IQSEC1: variants seen among roughly 807,000 people sequenced by gnomAD.
IQSEC1 encodes the protein IQ motif and Sec7 domain ArfGEF 1.
In IQSEC1, 31 loss-of-function variants were observed where a neutral mutation model predicts 91.0. That is an observed-to-expected ratio of 0.34 (90% CI 0.26 to 0.46). IQSEC1 has a LOEUF of 0.46. Ranked by LOEUF, IQSEC1 falls within the 20% of genes least tolerant of loss-of-function variation. The probability of loss-of-function intolerance (pLI) is 1.00; values close to 1 mark genes in which losing one functional copy is unlikely to be tolerated. For missense variants in IQSEC1, 1,388 were observed against 1,575.6 expected, an observed-to-expected ratio of 0.88 and a Z score of 2.02; for synonymous variants, 699 against 662.6, an observed-to-expected ratio of 1.05 and a Z score of -0.84.
intron 2 of IQSEC1, among the ~76,000 whole-genome samples, chr3:13,140,858 C>T (rs187152074): frequency 4.6e-5 from 7 of 152,318 alleles, no homozygotes; most frequent in African/African-American, 1.4e-4. Context: ...TCTACTGGAC[C>T]TCTGCCTTTG....
chr3:13,127,434 C>A (rs148008079), intron 2 of IQSEC1, among the ~76,000 whole-genome samples: 42 of 97,146 alleles, frequency 4.3e-4, no homozygotes, highest in African/African-American at 2.6e-3. Flanking sequence ...AACAAAAAAA[C>A]AAACAAACAA....
At chr3:13,024,116 C>T (rs1703513156) in intron 1 of IQSEC1, among the ~76,000 whole-genome samples, 1 of 152,198 alleles carries the variant, frequency 6.6e-6, no homozygotes, top group Non-Finnish European at 1.5e-5. Flanking sequence ...GTTTATCTGG[C>T]CTGTCCTCCT....
chr3:12,925,854 C>T (rs1697077319), intron 3 of IQSEC1, among the ~76,000 whole-genome samples: 1 of 152,224 alleles, frequency 6.6e-6, no homozygotes, highest in Admixed American at 6.5e-5. Context: ...ATGGCACTGA[C>T]CTTGCTGCTC....
intron 2 of IQSEC1, among the ~76,000 whole-genome samples, chr3:13,099,104 C>G (rs1706014650): frequency 6.6e-6 from 1 of 152,174 alleles, no homozygotes; most frequent in Non-Finnish European, 1.5e-5. Flanking sequence ...CTGGGCTGAG[C>G]TACAGGTCCA....
At chr3:13,191,080 C>G (rs1400611435) in intron 1 of IQSEC1, among the ~76,000 whole-genome samples, 3 of 152,220 alleles carry the variant, frequency 2.0e-5, no homozygotes, top group South Asian at 4.1e-4. Flanking sequence ...CTAATTCTAT[C>G]TTCAGGCCAC....
rs763767037 is a variant in IQSEC1 at position 12,955,275 on chromosome 3, CTG to C, written c.24-13412_24-13411del. On this transcript the variant is annotated intron_variant, in intron 1 of 13. Transcript: ENST00000613206. ...TTGAGAATGCCCTGGGCTCAGCTCTCTGTGTGTTGCTTCAGCCCTGTGCCTAC... is the reference window on the plus strand; with the variant it reads ...TTGAGAATGCCCTGGGCTCAGCTCTCTGTGTTGCTTCAGCCCTGTGCCTAC... Among the ~76,000 whole-genome samples, 12 of 152,380 alleles carry C rather than the reference CTG, an allele frequency of 7.9e-5. 1 individual carries two copies. The highest frequency in any genetic ancestry group is 5.2e-4 in the Admixed American group (8 of 15,310).
intron 1 of IQSEC1, among the ~76,000 whole-genome samples, chr3:12,976,512 C>T (rs2125566067): frequency 6.6e-6 from 1 of 152,350 alleles, no homozygotes; most frequent in Non-Finnish European, 1.5e-5. Context: ...GCCCCACCCT[C>T]AGGCATAGAG....
intron 1 of IQSEC1, among the ~76,000 whole-genome samples, chr3:13,013,798 A>G (rs537197300): frequency 6.6e-6 from 1 of 152,350 alleles, no homozygotes; most frequent in South Asian, 2.1e-4. Context: ...TGCCCAATAA[A>G]TGTTTGTTGA....
chr3:13,266,918 T>G (rs1003355455), intron 1 of IQSEC1, among the ~76,000 whole-genome samples: 3 of 152,146 alleles, frequency 2.0e-5, no homozygotes, highest in Non-Finnish European at 2.9e-5. Context: ...AGGAACGCCC[T>G]GGGCCCCCGC....
At chr3:13,104,774 T>C (rs1255606887) in intron 2 of IQSEC1, among the ~76,000 whole-genome samples, 1 of 152,198 alleles carries the variant, frequency 6.6e-6, no homozygotes, top group African/African-American at 2.4e-5. Flanking sequence ...AACTAGGTCC[T>C]GCCTGGCCCC....
intron 2 of IQSEC1, among the ~76,000 whole-genome samples, chr3:13,080,812 G>A (rs1272153807): frequency 1.3e-5 from 2 of 152,134 alleles, no homozygotes; most frequent in East Asian, 3.8e-4. Flanking sequence ...GTCCTGTCCC[G>A]CCACAGTGAC....
At chr3:13,078,401 G>C (rs1705595947), upstream of IQSEC1, among the ~76,000 whole-genome samples, 1 of 152,188 alleles carries the variant, frequency 6.6e-6, no homozygotes, top group Admixed American at 6.5e-5. Context: ...CCTGCGTGCA[G>C]AGACAGAGCC....
In IQSEC1 at chr3:12,908,667, G is replaced by A. The variant is rs1695253087; in HGVS notation, c.2579-142C>T. ...AAGGGTTGTTTCTGGGAAAGAGGGT[G>A]TGATGGCCACCCTGGACAAAAGAGC... On this transcript the variant is annotated intron_variant, in intron 11 of 13. Coordinates refer to ENST00000613206, the MANE Select transcript of IQSEC1 (RefSeq NM_001134382.3). The surrounding 1 kb of genome is among the most constrained non-coding windows in gnomAD (Gnocchi z 4.9). 3.5e-6 allele frequency: 3 copies of A among 862,640 alleles called. No homozygotes were observed. The highest frequency in any genetic ancestry group is 2.5e-5 in the East Asian group (1 of 40,604). 53.4% of individuals were successfully genotyped at this position (862,640 alleles called of 1,614,324 possible). A position where few individuals can be genotyped will look rare whatever the true frequency, so the allele number is the denominator to read the frequency against.
At chr3:13,061,258 C>T (rs1422060399) in intron 1 of IQSEC1, among the ~76,000 whole-genome samples, 1 of 152,160 alleles carries the variant, frequency 6.6e-6, no homozygotes, top group East Asian at 1.9e-4. Context: ...CGTTCCTCCC[C>T]AGGGAGGCTC....
intron 2 of IQSEC1, among the ~76,000 whole-genome samples, chr3:13,114,688 G>C (rs1029247148): frequency 1.3e-5 from 2 of 151,322 alleles, no homozygotes; most frequent in South Asian, 4.2e-4. Flanking sequence ...AGCTACTCAG[G>C]AGGCTGAGGC....
rs1048236625 is a variant in IQSEC1 at position 13,096,432 on chromosome 3, G to A, written c.303-48910C>T. 2.0e-5 allele frequency among the ~76,000 whole-genome samples: 3 copies of A among 152,204 alleles called. No homozygotes were observed. In the South Asian group the frequency reaches 6.2e-4, roughly 31 times the overall value. ...TTACTCTGTCACCATACACTGGGCC[G>A]TGTAGGGCACACGCCCTTCCCAGAA... On this transcript the variant is annotated intron_variant, in intron 2 of 15. Coordinates refer to the IQSEC1 transcript ENST00000648114.
chr3:13,040,246 G>A lies in IQSEC1; in HGVS notation c.23+32746C>T, dbSNP rs1009895588. ...AATTCCAACTCCCATGTCTAGGCCC[G>A]GATCAGATGCCACCTCCTGCAGGAA... On this transcript the variant is annotated intron_variant, in intron 1 of 13. Coordinates refer to ENST00000613206, the MANE Select transcript of IQSEC1 (RefSeq NM_001134382.3). Among the ~76,000 whole-genome samples the A allele has an allele frequency of 6.6e-5, 10 of 152,178 alleles. No individual in the cohort carries two copies. In the East Asian group the frequency reaches 7.7e-4, roughly 12 times the overall value.
rs1208075111 is a variant in IQSEC1 at position 12,983,317 on chromosome 3, A to C, written c.24-41452T>G. On this transcript the variant is annotated intron_variant, in intron 1 of 13. Transcript: ENST00000613206. The surrounding 1 kb of genome is among the most constrained non-coding windows in gnomAD (Gnocchi z 4.3). ...CAGCTCAGGGCACAGCTGGTAGAGC[A>C]GTCCTCGGAGGGGATGAAAGGTGGC... 6.6e-6 allele frequency among the ~76,000 whole-genome samples: 1 copy of C among 152,204 alleles called. No homozygotes were observed. Among genetic ancestry groups the C allele is most frequent in the Non-Finnish European group, 1.5e-5 (1 of 68,042 alleles).
At chr3:13,121,659 C>T (rs1181743039) in intron 2 of IQSEC1, among the ~76,000 whole-genome samples, 4 of 152,178 alleles carry the variant, frequency 2.6e-5, no homozygotes, top group Non-Finnish European at 4.4e-5. Flanking sequence ...CCAAGGCCAG[C>T]GCTGGGGGGA....
Sources: allele counts gnomAD v4.1 joint callset (sites outside exome capture counted in the v4.1 genomes callset), GRCh38; gene constraint gnomAD v4.1.1; non-coding constraint Gnocchi (gnomAD v3.1); transcripts MANE v1.5; gene names NCBI Gene and HGNC (gene_info 2026-07-23, HGNC 2026-07-21).